The following CNTNAP2 variants were observed in gnomAD, a reference collection of about 807,000 sequenced individuals.
CNTNAP2 encodes the protein contactin-associated protein-like 2.
Under a neutral mutation model 155.2 loss-of-function variants are expected in CNTNAP2, and 98 were observed. That is an observed-to-expected ratio of 0.63 (90% confidence interval 0.54 to 0.75). The LOEUF (loss-of-function observed/expected upper bound fraction) is 0.75. Among genes scored for constraint, CNTNAP2 ranks in the 30% least tolerant of loss-of-function variants. The pLI is 0.00. For missense variants in CNTNAP2, 1,727 were observed against 1,688.1 expected (o/e 1.02, Z -0.40); for synonymous variants, 651 against 631.2 (o/e 1.03, Z -0.47).
At chr7:148,096,814 G>A (rs1310635494) in intron 15 of CNTNAP2, among the ~76,000 whole-genome samples, 4 of 152,124 alleles carry the variant, frequency 2.6e-5, no homozygotes, top group Admixed American at 6.5e-5. Context: ...GCCCTGTCCC[G>A]AGCAAAAGAG....
intron 5 of CNTNAP2, among the ~76,000 whole-genome samples, chr7:147,113,979 C>T (rs1249027327): frequency 6.6e-6 from 1 of 152,054 alleles, no homozygotes; most frequent in African/African-American, 2.4e-5. Flanking sequence ...CTTAACACTG[C>T]TTTAACTGCA....
At chr7:146,512,164 T>C (rs1267675154) in intron 1 of CNTNAP2, among the ~76,000 whole-genome samples, 4 of 151,988 alleles carry the variant, frequency 2.6e-5, no homozygotes, top group African/African-American at 7.2e-5. Context: ...ATTTTATTTA[T>C]TTAGGTCTTC....
At chr7:146,903,220 T>C (rs1048194800) in intron 3 of CNTNAP2, among the ~76,000 whole-genome samples, 1 of 152,128 alleles carries the variant, frequency 6.6e-6, no homozygotes, top group Non-Finnish European at 1.5e-5. Flanking sequence ...CCTTGAGGGG[T>C]TGGATAAAAT....
chr7:147,968,519 G>A (rs777893649), intron 14 of CNTNAP2, among the ~76,000 whole-genome samples: 79 of 152,258 alleles, frequency 5.2e-4, no homozygotes, highest in Admixed American at 1.3e-3. Flanking sequence ...CCCACCCAAG[G>A]CCCATCAAGG....
chr7:146,771,318 G>A (rs1349491799), intron 1 of CNTNAP2, among the ~76,000 whole-genome samples: 1 of 152,148 alleles, frequency 6.6e-6, no homozygotes, highest in Non-Finnish European at 1.5e-5. Context: ...TGAATGAAAT[G>A]AACATGAGTG....
chr7:148,055,842 G>C lies in CNTNAP2; in HGVS notation c.2384-62276G>C, dbSNP rs147667445. Among the ~76,000 whole-genome samples the C allele has an allele frequency of 3.9e-3, 588 of 152,276 alleles. 2 individuals are homozygous for C. Among genetic ancestry groups the C allele is most frequent in the African/African-American group, 0.013 (548 of 41,558 alleles). The stretch of plus-strand genomic sequence containing the variant: ...TTCCTATCGCCTTCTTTTAAATGAA[G>C]GAGGCAGTGGGTTTCTTATATTTTG... On this transcript the variant is annotated intron_variant, in intron 15 of 23. Coordinates refer to ENST00000361727, the MANE Select transcript of CNTNAP2 (RefSeq NM_014141.6).
At chr7:146,972,146 T>C (rs944275049) in intron 3 of CNTNAP2, among the ~76,000 whole-genome samples, 3 of 152,162 alleles carry the variant, frequency 2.0e-5, no homozygotes, top group Non-Finnish European at 4.4e-5. Context: ...TCCTTGAAGA[T>C]GATTAGATAC....
At chr7:146,306,485 CA>C (rs1369748843) in intron 1 of CNTNAP2, among the ~76,000 whole-genome samples, 5 of 152,100 alleles carry the variant, frequency 3.3e-5, no homozygotes, top group African/African-American at 4.8e-5. Flanking sequence ...AACATTGATG[CA>C]AAAATCCTCA....
intron 2 of CNTNAP2, among the ~76,000 whole-genome samples, chr7:146,819,646 A>G (rs1803237993): frequency 6.6e-6 from 1 of 152,030 alleles, no homozygotes. Flanking sequence ...TGAGACCCAA[A>G]CTCATCTTTA....
chr7:148,344,693 G>A (rs559519661), intron 21 of CNTNAP2, among the ~76,000 whole-genome samples: 124 of 152,292 alleles, frequency 8.1e-4, no homozygotes, highest in African/African-American at 2.8e-3. Flanking sequence ...GATAGAAAGT[G>A]AGGAGGCAGA....
chr7:148,361,679 C>G (rs1288250613), intron 21 of CNTNAP2, among the ~76,000 whole-genome samples: 1 of 152,172 alleles, frequency 6.6e-6, no homozygotes, highest in African/African-American at 2.4e-5. Context: ...CTAAAGATGA[C>G]CTCATCTTAA....
chr7:148,085,928 TTCAA>T (rs1803718997), intron 15 of CNTNAP2, among the ~76,000 whole-genome samples: 2 of 152,236 alleles, frequency 1.3e-5, no homozygotes, highest in African/African-American at 4.8e-5. Flanking sequence ...ACAACCATTT[TTCAA>T]TCAAGTTATT....
At chr7:147,729,170 A>G (rs962983504) in intron 13 of CNTNAP2, among the ~76,000 whole-genome samples, 14 of 151,760 alleles carry the variant, frequency 9.2e-5, no homozygotes, top group Non-Finnish European at 1.2e-4. Flanking sequence ...TCCAGAGCTC[A>G]AGTGATCCTC....
Position 147,339,898 on chromosome 7 carries a change from T to C in CNTNAP2, c.1498+39608T>C, listed in dbSNP as rs546682551. On this transcript the variant is annotated intron_variant, in intron 9 of 23. Coordinates refer to ENST00000361727, the MANE Select transcript of CNTNAP2 (RefSeq NM_014141.6). ...TAAGTGAAAAGGCCTAAATTTGAAC[T>C]GAGTCAGCTTAGCTTGGAAGCTCTT... 1.6e-4 allele frequency among the ~76,000 whole-genome samples: 25 copies of C among 152,270 alleles called. No homozygotes were observed. The South Asian group carries it at 5.0e-3, about 30-fold the overall frequency.
At chr7:146,147,929 A>G (rs935130472) in intron 1 of CNTNAP2, among the ~76,000 whole-genome samples, 1 of 152,092 alleles carries the variant, frequency 6.6e-6, no homozygotes, top group Non-Finnish European at 1.5e-5. Context: ...TCAGGAACCA[A>G]TATATATATT....
chr7:148,109,669 G>A (rs1804303790), intron 15 of CNTNAP2, among the ~76,000 whole-genome samples: 1 of 151,654 alleles, frequency 6.6e-6, no homozygotes, highest in Non-Finnish European at 1.5e-5. Context: ...CAGGCGTTGA[G>A]ATTCTATTTC....
At chr7:147,453,624 G>C (rs1797871319) in intron 10 of CNTNAP2, among the ~76,000 whole-genome samples, 1 of 152,110 alleles carries the variant, frequency 6.6e-6, no homozygotes, top group Non-Finnish European at 1.5e-5. Context: ...TAAGTGACTT[G>C]TACAGTAACA....
intron 15 of CNTNAP2, among the ~76,000 whole-genome samples, chr7:148,088,359 GA>G (rs1803774904): frequency 6.6e-6 from 1 of 151,000 alleles, no homozygotes; most frequent in African/African-American, 2.4e-5. Context: ...CTTAAAAACA[GA>G]AAAGATCAAC....
intron 15 of CNTNAP2, among the ~76,000 whole-genome samples, chr7:148,102,029 G>C (rs1274317269): frequency 1.3e-5 from 2 of 152,126 alleles, no homozygotes; most frequent in African/African-American, 4.8e-5. Flanking sequence ...TTGTTATATA[G>C]TTAAACTCGT....
Sources: gnomAD v4.1 joint callset for allele counts (sites outside exome capture counted in the v4.1 genomes callset) on GRCh38, gnomAD v4.1.1 for gene constraint, MANE v1.5 for transcripts, NCBI Gene and HGNC (gene_info 2026-07-23, HGNC 2026-07-21) for gene names.